VCPIP1: variants seen among roughly 807,000 people sequenced by gnomAD.
VCPIP1 encodes valosin containing protein interacting protein 1, also known as deubiquitinating protein VCPIP1.
VCPIP1 carries 8 observed loss-of-function variants against 85.0 expected under a neutral mutation model. The ratio of observed to expected loss-of-function variants is 0.09; its 90% CI spans 0.06 to 0.17. The LOEUF is 0.17. Ranked by LOEUF, VCPIP1 falls within the 10% of genes least tolerant of loss-of-function variation. VCPIP1 has a pLI of 1.00. For missense variants in VCPIP1, 1,070 were observed against 1,486.3 expected, an observed-to-expected ratio of 0.72 and a Z score of 4.61; for synonymous variants, 543 against 544.5, an observed-to-expected ratio of 1.00 and a Z score of 0.04.
rs1039859444 is a variant in VCPIP1, at chr8:66,634,625, G to A, written c.3545C>T (p.Ala1182Val). 6 of 1,614,020 alleles carry A rather than the reference G, an allele frequency of 3.7e-6. No homozygotes were observed. In the Admixed American group the frequency reaches 1.0e-4, roughly 27 times the overall value. ...TETTDGCVADALGAAFATRSK... is the reference protein window; with the variant it reads ...TETTDGCVADVLGAAFATRSK... Reference sequence around the variant, plus strand: ...CCTTGTGGCAAAGGCTGCTCCCAGTGCATCTGCTACACAGCCATCAGTTGT... The same window carrying A: ...CCTTGTGGCAAAGGCTGCTCCCAGTACATCTGCTACACAGCCATCAGTTGT... Residue 1182 changes from alanine (A) to valine (V), a missense_variant, in exon 3 of 3, where the codon GCA becomes GTA. Around this residue, in one of 8 missense-constraint regions of VCPIP1, gnomAD observed 255 missense variants for 289.5 expected, o/e 0.88. Coordinates refer to ENST00000310421, the MANE Select transcript of VCPIP1 (RefSeq NM_025054.5).
At chr8:66,660,430 T>G in intron 1 of VCPIP1, among the ~76,000 whole-genome samples, 1 of 152,256 alleles carries the variant, frequency 6.6e-6, no homozygotes, top group East Asian at 1.9e-4. Flanking sequence ...AGAGGGAACC[T>G]ACTTAGAATG....
intron 2 of VCPIP1, among the ~76,000 whole-genome samples, chr8:66,651,159 T>C (rs1811049815): frequency 7.4e-6 from 1 of 134,380 alleles, no homozygotes; most frequent in Non-Finnish European, 1.5e-5. Context: ...CACTCCAGCC[T>C]GGGCAACAAG....
intron 2 of VCPIP1, among the ~76,000 whole-genome samples, chr8:66,650,788 A>G (rs1409790022): frequency 7.4e-6 from 1 of 135,022 alleles, no homozygotes; most frequent in African/African-American, 2.8e-5. Context: ...TTGAACCCAG[A>G]GGCGGAGGTT....
At chr8:66,636,742 T>TA (rs549430033) in intron 2 of VCPIP1, among the ~76,000 whole-genome samples, 4,107 of 142,326 alleles carry the variant, frequency 0.029, 205 homozygotes, top group African/African-American at 0.097. Flanking sequence ...AGACTCCATC[T>TA]AAAAAAAAAA....
chr8:66,638,607 A>G (rs998419724), intron 2 of VCPIP1, among the ~76,000 whole-genome samples: 1 of 151,950 alleles, frequency 6.6e-6, no homozygotes, highest in Non-Finnish European at 1.5e-5. Context: ...GTGAAACCTC[A>G]TCTCTACTAA....
Position 66,634,380 on chromosome 8 carries a change from A to G in VCPIP1, c.*121T>C. On this transcript the variant is annotated 3_prime_UTR_variant, in exon 3 of 3. Transcript: ENST00000310421. ...ACTTGCTATCATGCACTGAATAACAAGATATAATCTTTGAATTATATACGT... is the reference window on the plus strand; with the variant it reads ...ACTTGCTATCATGCACTGAATAACAGGATATAATCTTTGAATTATATACGT... 2.5e-6 allele frequency: 3 copies of G among 1,177,402 alleles called. No individual in the cohort carries two copies. The highest frequency in any genetic ancestry group is 3.1e-5 in the South Asian group (2 of 63,660). 72.9% of individuals were successfully genotyped at this position (1,177,402 alleles called of 1,614,324 possible). A position where few individuals can be genotyped will look rare whatever the true frequency, so the allele number is the denominator to read the frequency against.
In VCPIP1 at chr8:66,634,480, C is replaced by A. The variant is rs1279149056; in HGVS notation, c.*21G>T. ...TACATATTCACAATAAACATTCTGC[C>A]TTTATTAGCCTCTAATTAAATCAAG... On this transcript the variant is annotated 3_prime_UTR_variant, in exon 3 of 3. Coordinates refer to ENST00000310421, the MANE Select transcript of VCPIP1 (RefSeq NM_025054.5). 4.5e-6 allele frequency: 7 copies of A among 1,544,694 alleles called. No homozygotes were observed. Among genetic ancestry groups the A allele is most frequent in the Non-Finnish European group, 6.1e-6 (7 of 1,148,346 alleles).
chr8:66,665,265 G>C lies in VCPIP1; in HGVS notation c.1694C>G (p.Ser565Cys), dbSNP rs752296412. ...IVYLDGDRTN[S>C]RSTGGKCGCG... ...ACCACATTTGCCACCAGTGGACCTAGAATTAGTTCTGTCTCCATCCAAATA... is the reference window on the plus strand; with the variant it reads ...ACCACATTTGCCACCAGTGGACCTACAATTAGTTCTGTCTCCATCCAAATA... Residue 565 changes from serine to cysteine, a missense_variant, in exon 1 of 3, where the codon TCT (serine) becomes TGT (cysteine). By Grantham distance (112) the Ser-to-Cys change is moderately radical. Transcript: ENST00000310421. This position sits in a 1 kb window ranked among gnomAD's most constrained non-coding sequence, Gnocchi z 4.3. 1 of 1,614,160 alleles carries C rather than the reference G, an allele frequency of 6.2e-7. No homozygotes were observed. The highest frequency in any genetic ancestry group is 8.5e-7 in the Non-Finnish European group (1 of 1,180,030).
chr8:66,664,172 T>TC, intron 1 of VCPIP1, 77 bp downstream of exon 1: 1 of 1,416,112 alleles, frequency 7.1e-7, no homozygotes, highest in Non-Finnish European at 9.3e-7. Context: ...AGATTTCTTT[T>TC]CCCCCAAAGA....
rs764284624 is a variant in VCPIP1, at chr8:66,666,671, G to A, written c.288C>T (p.His96=). The change falls in exon 1 of 3, where the codon CAC becomes CAT. Residue 96 remains histidine, a synonymous_variant. Transcript: ENST00000310421. The surrounding 1 kb of genome is among the most constrained non-coding windows in gnomAD (Gnocchi z 6.3). ...CGAGCAGCGCGTTCCGCAGCAGGTTGTGTAGCACTACGTCCGGGTCGGTCA... is the reference window on the plus strand; with the variant it reads ...CGAGCAGCGCGTTCCGCAGCAGGTTATGTAGCACTACGTCCGGGTCGGTCA... ...EEVTDPDVVL[H]NLLRNALLGV... 1.9e-6 allele frequency: 3 copies of A among 1,614,222 alleles called. No homozygotes were observed. Among genetic ancestry groups the A allele is most frequent in the Non-Finnish European group, 1.7e-6 (2 of 1,180,038 alleles).
chr8:66,650,651 CAT>C (rs1036774934), intron 2 of VCPIP1, among the ~76,000 whole-genome samples: 9 of 151,766 alleles, frequency 5.9e-5, no homozygotes, highest in African/African-American at 2.2e-4. Context: ...TATGGCCAAA[CAT>C]AACAACAACA....
chr8:66,633,879 C>G lies in VCPIP1; in HGVS notation c.*622G>C, dbSNP rs1810857304. 1 of 152,144 alleles carries G rather than the reference C, an allele frequency of 6.6e-6. No homozygotes were observed. The highest frequency in any genetic ancestry group is 2.4e-5 in the African/African-American group (1 of 41,428). 9.4% of individuals were successfully genotyped at this position (152,144 alleles called of 1,614,324 possible). A position where few individuals can be genotyped will look rare whatever the true frequency, so the allele number is the denominator to read the frequency against. ...ACTGAATCACATTGACCTCATCAAT[C>G]TAGAAGAAATTTTTCCCCAATCTTG... On this transcript the variant is annotated 3_prime_UTR_variant, in exon 3 of 3. Transcript: ENST00000310421.
At chr8:66,652,811 G>A (rs1811066490) in intron 1 of VCPIP1, among the ~76,000 whole-genome samples, 1 of 152,092 alleles carries the variant, frequency 6.6e-6, no homozygotes, top group African/African-American at 2.4e-5. Context: ...CAGTTACTAT[G>A]GCTGTTTTTA....
At chr8:66,658,380 G>A (rs1037509650) in intron 1 of VCPIP1, among the ~76,000 whole-genome samples, 2 of 147,724 alleles carry the variant, frequency 1.4e-5, no homozygotes, top group Non-Finnish European at 3.0e-5. Context: ...GTACTATCTA[G>A]ATTTGAAACT....
intron 2 of VCPIP1, among the ~76,000 whole-genome samples, chr8:66,648,801 C>T (rs930624633): frequency 2.0e-5 from 3 of 152,096 alleles, no homozygotes; most frequent in Admixed American, 2.0e-4. Flanking sequence ...AAGTGATCTG[C>T]CCAACTCGGC....
rs760887717 is a variant in VCPIP1, at chr8:66,630,526, T to A, written c.*3975A>T. 1 of 152,528 alleles carries A rather than the reference T, an allele frequency of 6.6e-6. No homozygotes were observed. Among genetic ancestry groups the A allele is most frequent in the Non-Finnish European group, 1.5e-5 (1 of 68,014 alleles). The allele number at this position is 152,528 out of a possible 1,614,324, so 9.4% of individuals were successfully genotyped here. A position where few individuals can be genotyped will look rare whatever the true frequency, so the allele number is the denominator to read the frequency against. On this transcript the variant is annotated 3_prime_UTR_variant, in exon 3 of 3. Coordinates refer to ENST00000310421, the MANE Select transcript of VCPIP1 (RefSeq NM_025054.5). Reference sequence around the variant, plus strand: ...AGAAAAGTAGGCAATACCTTAAAAATTTAAAAACTAAGTAATTGATACTCA... The same window carrying A: ...AGAAAAGTAGGCAATACCTTAAAAAATTAAAAACTAAGTAATTGATACTCA...
In VCPIP1 at chr8:66,666,900, G is replaced by C; in HGVS notation, c.59C>G (p.Ala20Gly). 1 of 1,604,120 alleles carries C rather than the reference G, an allele frequency of 6.2e-7. No homozygotes were observed. Among genetic ancestry groups the C allele is most frequent in the Non-Finnish European group, 8.5e-7 (1 of 1,177,084 alleles). The change falls in exon 1 of 3, where the codon GCT (alanine) becomes GGT (glycine). Residue 20 changes from alanine to glycine, a missense_variant. Ala to Gly is a moderately conservative substitution (Grantham distance 60). This residue lies in a region of VCPIP1 where 164 missense variants were observed against 158.6 expected (regional missense o/e 1.03). Transcript: ENST00000310421. The surrounding 1 kb of genome is among the most constrained non-coding windows in gnomAD (Gnocchi z 6.3). Reference protein sequence around the residue: ...PLPPPPPPPEAPQTPSSLASA... With the variant: ...PLPPPPPPPEGPQTPSSLASA... ...CGCCAAGGACGACGGAGTCTGTGGA[G>C]CCTCAGGGGGAGGAGGTGGCGGCGG...
intron 1 of VCPIP1, among the ~76,000 whole-genome samples, chr8:66,662,745 G>T (rs138620710): frequency 1.3e-4 from 19 of 151,402 alleles, no homozygotes; most frequent in African/African-American, 4.6e-4. Flanking sequence ...GCCGTGGCGC[G>T]ATCTAGGCTC....
chr8:66,631,761 G>A lies in VCPIP1; in HGVS notation c.*2740C>T, dbSNP rs770785318. On this transcript the variant is annotated 3_prime_UTR_variant, in exon 3 of 3. Coordinates refer to ENST00000310421, the MANE Select transcript of VCPIP1 (RefSeq NM_025054.5). Reference sequence around the variant, plus strand: ...AAAAATATCTGAAACAGAGTGAAGCGGGAGAAATGGGTTTGCTCTTTAACT... The same window carrying A: ...AAAAATATCTGAAACAGAGTGAAGCAGGAGAAATGGGTTTGCTCTTTAACT... The A allele has an allele frequency of 3.9e-5, 6 of 152,454 alleles. No individual in the cohort carries two copies. The highest frequency in any genetic ancestry group is 4.1e-4 in the South Asian group (2 of 4,826). 9.4% of individuals were successfully genotyped at this position (152,454 alleles called of 1,614,324 possible).
Sources: allele counts gnomAD v4.1 joint callset (sites outside exome capture counted in the v4.1 genomes callset), GRCh38; gene constraint gnomAD v4.1.1; regional missense constraint gnomAD v4.1.1; non-coding constraint Gnocchi (gnomAD v3.1); transcripts MANE v1.5; gene names NCBI Gene and HGNC (gene_info 2026-07-23, HGNC 2026-07-21).